Variants in GREB1L observed in about 807,000 individuals in gnomAD.
GREB1L encodes GREB1 like retinoic acid receptor coactivator.
Under a neutral mutation model 200.8 loss-of-function variants are expected in GREB1L, and 17 were observed. The ratio of observed to expected loss-of-function variants is 0.08; its 90% CI spans 0.06 to 0.13. The LOEUF (loss-of-function observed/expected upper bound fraction) is 0.13, where lower values mean the gene tolerates loss of function less well. GREB1L is among the 10% of genes least tolerant of loss of function. The pLI, the probability that GREB1L is intolerant of heterozygous loss-of-function variation, is 1.00. For synonymous variants in GREB1L, 789 were observed against 893.0 expected, an observed-to-expected ratio of 0.88 and a Z score of 2.08; for missense variants, 1,657 against 2,367.7, an observed-to-expected ratio of 0.70 and a Z score of 6.23.
chr18:21,342,167 A>T (rs1014853608), intron 1 of GREB1L, among the ~76,000 whole-genome samples: 1 of 152,104 alleles, frequency 6.6e-6, no homozygotes, highest in East Asian at 1.9e-4. Flanking sequence ...GCCTGAATTG[A>T]TGTTCAGTCC....
At chr18:21,243,109 C>T (rs1203619790) in intron 1 of GREB1L, among the ~76,000 whole-genome samples, 1 of 152,056 alleles carries the variant, frequency 6.6e-6, no homozygotes, top group Non-Finnish European at 1.5e-5. Context: ...GTTGTGTTGA[C>T]AGCTGACCCT....
At chr18:21,462,741 C>T (rs1410850852) in intron 15 of GREB1L, among the ~76,000 whole-genome samples, 1 of 152,142 alleles carries the variant, frequency 6.6e-6, no homozygotes, top group African/African-American at 2.4e-5. Context: ...TGAGCCACTG[C>T]ACCCGGCCTA....
At chr18:21,350,678 T>G (rs1268618641) in intron 1 of GREB1L, among the ~76,000 whole-genome samples, 1 of 152,172 alleles carries the variant, frequency 6.6e-6, no homozygotes, top group Non-Finnish European at 1.5e-5. Context: ...CAGAAAAGAC[T>G]TCATGGGCAA....
At chr18:21,450,919 T>C in intron 12 of GREB1L, 104 bp from the exon 13 acceptor site, 1 of 1,172,662 alleles carries the variant, frequency 8.5e-7, no homozygotes. Flanking sequence ...CCCAAGTCCC[T>C]ATAGTGACAT....
At chr18:21,405,279 A>G (rs1418481125) in intron 7 of GREB1L, among the ~76,000 whole-genome samples, 1 of 152,262 alleles carries the variant, frequency 6.6e-6, no homozygotes, top group Non-Finnish European at 1.5e-5. Flanking sequence ...CATAGCCTTC[A>G]TTACATTAAT....
intron 15 of GREB1L, among the ~76,000 whole-genome samples, chr18:21,465,381 G>A (rs1161189837): frequency 2.0e-5 from 3 of 152,134 alleles, no homozygotes; most frequent in East Asian, 1.9e-4. Context: ...ACTGATGTTG[G>A]TTCAGTTCCA....
intron 19 of GREB1L, among the ~76,000 whole-genome samples, chr18:21,491,618 C>T (rs911263927): frequency 1.3e-5 from 2 of 151,008 alleles, no homozygotes; most frequent in African/African-American, 4.9e-5. Flanking sequence ...GAGGCTGAGG[C>T]AGGAGAATGG....
chr18:21,420,375 A>G (rs893545451), intron 7 of GREB1L, among the ~76,000 whole-genome samples: 2 of 145,316 alleles, frequency 1.4e-5, no homozygotes, highest in Non-Finnish European at 3.0e-5. Flanking sequence ...CTCCATCTCG[A>G]AAAAAAAAAA....
chr18:21,477,279 T>C lies in GREB1L; in HGVS notation c.2479T>C (p.Phe827Leu), dbSNP rs1003787190. The change falls in exon 17 of 33, where the codon TTC becomes CTC. Residue 827 changes from phenylalanine to leucine, a missense_variant. By Grantham distance (22) the Phe-to-Leu change is conservative. Transcript: ENST00000424526. ...FNLLVLQVSS[F>L]PYTLQTQQSR... ...CCTCCTGGTGCTCCAGGTCAGCTCCTTCCCATACACTCTGCAGACCCAACA... is the reference window on the plus strand; with the variant it reads ...CCTCCTGGTGCTCCAGGTCAGCTCCCTCCCATACACTCTGCAGACCCAACA... The C allele has an allele frequency of 1.9e-6, 3 of 1,551,658 alleles. No individual in the cohort carries two copies. The Admixed American group carries it at 5.9e-5, about 30-fold the overall frequency.
At chr18:21,389,325 T>C (rs1276290669) in intron 4 of GREB1L, among the ~76,000 whole-genome samples, 1 of 139,914 alleles carries the variant, frequency 7.1e-6, no homozygotes, top group Non-Finnish European at 1.5e-5. Context: ...CCCATCATTA[T>C]GGGGTGGGTT....
At chr18:21,321,413 G>A (rs188396788) in intron 1 of GREB1L, among the ~76,000 whole-genome samples, 14 of 151,230 alleles carry the variant, frequency 9.3e-5, no homozygotes, top group Admixed American at 2.0e-4. Flanking sequence ...GGCCAGGCAC[G>A]GTTGCTCACA....
chr18:21,449,923 T>G (rs2034437837), intron 12 of GREB1L, 87 bp downstream of exon 12: 1 of 1,016,526 alleles, frequency 9.8e-7, no homozygotes, highest in Non-Finnish European at 1.4e-6. Context: ...GTTTCAGGCA[T>G]CCACATAATC....
rs2033219824 is a variant in GREB1L at position 21,432,290 on chromosome 18, T to C, written c.833-7231T>C. 2.0e-5 allele frequency among the ~76,000 whole-genome samples: 3 copies of C among 152,236 alleles called. No homozygotes were observed. In the South Asian group the frequency reaches 6.2e-4, roughly 31 times the overall value. On this transcript the variant is annotated intron_variant, in intron 7 of 32. Transcript: ENST00000424526. ...TCTCTGGCTACTATTTATATGGCTA[T>C]AAAATTTTGCCATGCAGAAATTATT... is the stretch of plus-strand genomic sequence containing the variant.
intron 20 of GREB1L, 51 bp from the exon 21 acceptor site, chr18:21,496,403 C>T: frequency 6.5e-7 from 1 of 1,539,778 alleles, no homozygotes; most frequent in Non-Finnish European, 8.8e-7. Context: ...CACATACACA[C>T]TGCGTGCCTG....
chr18:21,500,254 C>G lies in GREB1L; in HGVS notation c.3917C>G (p.Ser1306Cys). The G allele has an allele frequency of 6.7e-7, 1 of 1,502,726 alleles. No homozygotes were observed. 93.1% of individuals were successfully genotyped at this position (1,502,726 alleles called of 1,614,324 possible). A position where few individuals can be genotyped will look rare whatever the true frequency, so the allele number is the denominator to read the frequency against. Residue 1306 changes from serine to cysteine, a missense_variant, in exon 22 of 33, where the codon TCT (serine) becomes TGT (cysteine). Transcript: ENST00000424526. ...TATAGCAACCAGCTGGACCCGGCCT[C>G]TGGCACCCGAAACTTCCACCCCCGA... Reference protein sequence around the residue: ...ADYSNQLDPASGTRNFHPRRL... With the variant: ...ADYSNQLDPACGTRNFHPRRL...
chr18:21,444,151 C>T (rs2034076088), intron 10 of GREB1L, 73 bp from the exon 11 acceptor site: 12 of 1,050,624 alleles, frequency 1.1e-5, no homozygotes, highest in South Asian at 3.5e-5. Flanking sequence ...CTTTGATCGT[C>T]GTTGAGCAAG....
chr18:21,474,621 T>A (rs533429878), intron 16 of GREB1L, among the ~76,000 whole-genome samples: 1 of 152,240 alleles, frequency 6.6e-6, no homozygotes, highest in South Asian at 2.1e-4. Context: ...ATTGGCCCCT[T>A]TAGTCATGGC....
chr18:21,507,112 C>A (rs926514183), intron 25 of GREB1L, among the ~76,000 whole-genome samples: 2 of 152,086 alleles, frequency 1.3e-5, no homozygotes, highest in African/African-American at 4.8e-5. Context: ...TACAAGTTAC[C>A]TTTTATATCC....
At chr18:21,366,302 C>A (rs988708464) in intron 2 of GREB1L, among the ~76,000 whole-genome samples, 166 bp downstream of exon 2, 3 of 152,098 alleles carry the variant, frequency 2.0e-5, no homozygotes, top group Non-Finnish European at 2.9e-5. Context: ...TCCCCCATCC[C>A]CTTACCCCAT....
Sources: allele counts gnomAD v4.1 joint callset (sites outside exome capture counted in the v4.1 genomes callset), GRCh38; gene constraint gnomAD v4.1.1; transcripts MANE v1.5; gene names NCBI Gene and HGNC (gene_info 2026-07-23, HGNC 2026-07-21).